Variants in RBFOX3 observed in about 807,000 individuals in gnomAD.
RBFOX3 encodes RNA binding protein fox-1 homolog 3.
RBFOX3 carries 17 observed loss-of-function variants against 48.7 expected under a neutral mutation model. The ratio of observed to expected loss-of-function variants is 0.35; its 90% CI spans 0.24 to 0.52. The LOEUF (loss-of-function observed/expected upper bound fraction) is 0.52, where lower values mean the gene tolerates loss of function less well. Ranked by LOEUF, RBFOX3 falls within the 20% of genes least tolerant of loss-of-function variation. The pLI is 0.94. For missense variants in RBFOX3, 382 were observed against 497.5 expected, an observed-to-expected ratio of 0.77 and a Z score of 2.21; for synonymous variants, 212 against 209.5, an observed-to-expected ratio of 1.01 and a Z score of -0.10.
intron 4 of RBFOX3, chr17:79,233,733 T>C (rs527471244): frequency 1.3e-5 from 2 of 151,988 alleles, no homozygotes; most frequent in African/African-American, 4.8e-5. Context: ...CAGCCTCCCA[T>C]GTAGCTGGGA....
At chr17:79,544,552 C>T (rs1282738834) in intron 1 of RBFOX3, among the ~76,000 whole-genome samples, 1 of 152,000 alleles carries the variant, frequency 6.6e-6, no homozygotes, top group East Asian at 1.9e-4. Context: ...TCCACTCCTC[C>T]CGTCGGAGTA....
intron 1 of RBFOX3, among the ~76,000 whole-genome samples, chr17:79,487,616 C>G (rs797029372): frequency 4.6e-5 from 7 of 152,240 alleles, no homozygotes; most frequent in African/African-American, 1.7e-4. Context: ...GGAAGTCAAT[C>G]TGGGTGAGTG....
At chr17:79,388,762 A>G (rs1030712290) in intron 2 of RBFOX3, among the ~76,000 whole-genome samples, 3 of 152,144 alleles carry the variant, frequency 2.0e-5, no homozygotes, top group Non-Finnish European at 2.9e-5. Flanking sequence ...CCTCCTGCAC[A>G]TGCCCCGGTG....
At chr17:79,656,811 G>GAA in the RBFOX3 span, among the ~76,000 whole-genome samples, 19 of 50,962 alleles carry the variant, frequency 3.7e-4, no homozygotes, top group Non-Finnish European at 5.7e-4. Context: ...AGAAAGAAAA[G>GAA]AAAGAGAAAG....
chr17:79,292,324 C>T (rs1269973035), intron 3 of RBFOX3, among the ~76,000 whole-genome samples: 1 of 151,984 alleles, frequency 6.6e-6, no homozygotes, highest in Non-Finnish European at 1.5e-5. Flanking sequence ...ACCCCGCATG[C>T]CTCCAGTATA....
At chr17:79,517,586 G>A (rs1349732187) in intron 1 of RBFOX3, among the ~76,000 whole-genome samples, 1 of 151,796 alleles carries the variant, frequency 6.6e-6, no homozygotes, top group African/African-American at 2.4e-5. Context: ...CTCTTGCTCA[G>A]TGCTTCAATT....
intron 2 of RBFOX3, among the ~76,000 whole-genome samples, chr17:79,410,443 AG>A (rs915173042): frequency 1.2e-4 from 19 of 152,204 alleles, no homozygotes; most frequent in Non-Finnish European, 1.9e-4. Flanking sequence ...ATTTTGCGGC[AG>A]GGGGGCGGTC....
intron 2 of RBFOX3, among the ~76,000 whole-genome samples, chr17:79,351,097 C>T (rs2083854475): frequency 6.6e-6 from 1 of 152,240 alleles, no homozygotes; most frequent in Non-Finnish European, 1.5e-5. Flanking sequence ...GCCAGAATTT[C>T]CTTCCTTTTA....
At chr17:79,569,071 A>G (rs1437811123) in intron 1 of RBFOX3, among the ~76,000 whole-genome samples, 2 of 151,288 alleles carry the variant, frequency 1.3e-5, no homozygotes, top group Non-Finnish European at 2.9e-5. Flanking sequence ...CATTGTGGAA[A>G]CATCTATAGC....
At chr17:79,260,443 A>G (rs2065570546) in intron 3 of RBFOX3, among the ~76,000 whole-genome samples, 2 of 152,212 alleles carry the variant, frequency 1.3e-5, no homozygotes, top group African/African-American at 4.8e-5. Flanking sequence ...AACCCTGAGA[A>G]GAAAGAACGT....
chr17:79,370,844 G>C (rs1376051509), intron 2 of RBFOX3, among the ~76,000 whole-genome samples: 1 of 152,126 alleles, frequency 6.6e-6, no homozygotes, highest in Admixed American at 6.5e-5. Context: ...ATGCACACAG[G>C]CACATGCACA....
At chr17:79,608,262 C>G (rs2093881781) in intron 1 of RBFOX3, among the ~76,000 whole-genome samples, 1 of 152,228 alleles carries the variant, frequency 6.6e-6, no homozygotes, top group Non-Finnish European at 1.5e-5. Flanking sequence ...CTCCCAGCCC[C>G]GCTGTGGCTC....
At chr17:79,619,931 C>T in the RBFOX3 span, among the ~76,000 whole-genome samples, 1 of 152,214 alleles carries the variant, frequency 6.6e-6, no homozygotes, top group Admixed American at 6.5e-5. Context: ...ATAACAAAAA[C>T]AGCAATCGTG....
chr17:79,197,229 A>ATGCAGCCCTCCCTCGGGGCTGTCCACC (rs2055793616), intron 4 of RBFOX3, among the ~76,000 whole-genome samples: 1 of 152,084 alleles, frequency 6.6e-6, no homozygotes, highest in Non-Finnish European at 1.5e-5. Context: ...GGCTGTCCAC[A>ATGCAGCCCTCCCTCGGGGCTGTCCACC]TGCTGTTTTC....
intron 4 of RBFOX3, among the ~76,000 whole-genome samples, chr17:79,228,495 C>T (rs776518604): frequency 1.3e-5 from 2 of 152,174 alleles, no homozygotes; most frequent in Admixed American, 6.5e-5. Flanking sequence ...CATTGTCCTC[C>T]GATCCCATCT....
At chr17:79,179,387 G>A (rs999320537) in intron 4 of RBFOX3, among the ~76,000 whole-genome samples, 2 of 152,180 alleles carry the variant, frequency 1.3e-5, no homozygotes, top group African/African-American at 4.8e-5. Context: ...AGCTTCCGGT[G>A]CCTGGTGATG....
chr17:79,346,409 A>G (rs888992479), intron 2 of RBFOX3, among the ~76,000 whole-genome samples: 3 of 152,206 alleles, frequency 2.0e-5, no homozygotes, highest in Non-Finnish European at 4.4e-5. Flanking sequence ...TAACATAACC[A>G]AAGTTACATA....
At chr17:79,098,652 G>A (rs2075859408) in intron 9 of RBFOX3, 1 of 152,256 alleles carries the variant, frequency 6.6e-6, no homozygotes, top group Admixed American at 6.5e-5. Flanking sequence ...GCTCCACCTG[G>A]AGGCCTCTGC....
chr17:79,406,690 G>A (rs1428392861), intron 2 of RBFOX3, among the ~76,000 whole-genome samples: 1 of 152,124 alleles, frequency 6.6e-6, no homozygotes, highest in Non-Finnish European at 1.5e-5. Context: ...ACATGACCAC[G>A]TCGCATGGAA....
Sources: gnomAD v4.1 joint callset for allele counts (sites outside exome capture counted in the v4.1 genomes callset) on GRCh38, gnomAD v4.1.1 for gene constraint, MANE v1.5 for transcripts, NCBI Gene and HGNC (gene_info 2026-07-23, HGNC 2026-07-21) for gene names.